B3GALT1: variants seen among roughly 807,000 people sequenced by gnomAD.
B3GALT1 encodes the protein beta-1,3-galactosyltransferase 1.
B3GALT1 carries 10 observed loss-of-function variants against 23.2 expected under a neutral mutation model. The ratio of observed to expected loss-of-function variants is 0.43; its 90% CI spans 0.27 to 0.73. B3GALT1 has a LOEUF of 0.73. Ranked by LOEUF, B3GALT1 falls within the 30% of genes least tolerant of loss-of-function variation. The pLI is 0.21. For missense variants in B3GALT1, 299 were observed against 405.4 expected, an observed-to-expected ratio of 0.74 and a Z score of 2.25; for synonymous variants, 156 against 141.5, an observed-to-expected ratio of 1.10 and a Z score of -0.73.
At chr2:167,836,504 C>T (rs1285194955) in intron 4 of B3GALT1, among the ~76,000 whole-genome samples, 3 of 152,126 alleles carry the variant, frequency 2.0e-5, no homozygotes, top group Non-Finnish European at 4.4e-5. Flanking sequence ...ACGAACAAAG[C>T]CTCTAAGAAA....
chr2:167,501,102 G>A (rs1221844179), intron 2 of B3GALT1, among the ~76,000 whole-genome samples: 1 of 151,984 alleles, frequency 6.6e-6, no homozygotes, highest in Non-Finnish European at 1.5e-5. Context: ...TTAAAATACA[G>A]CCATAATAAA....
At chr2:167,802,973 ATG>A (rs1209068387) in intron 3 of B3GALT1, among the ~76,000 whole-genome samples, 1 of 152,132 alleles carries the variant, frequency 6.6e-6, no homozygotes, top group East Asian at 1.9e-4. Context: ...GTACCTACAC[ATG>A]TGTTATTTAG....
chr2:167,351,278 A>AAC (rs1697304109), intron 1 of B3GALT1, among the ~76,000 whole-genome samples: 1 of 151,918 alleles, frequency 6.6e-6, no homozygotes, highest in African/African-American at 2.4e-5. Context: ...CAAAAAAAAA[A>AAC]AAAAACGAAA....
chr2:167,313,170 A>T (rs1290353880), intron 1 of B3GALT1, among the ~76,000 whole-genome samples: 3 of 152,124 alleles, frequency 2.0e-5, no homozygotes, highest in Non-Finnish European at 4.4e-5. Flanking sequence ...TTCATGGAAA[A>T]GCCAGAGTAC....
At chr2:167,678,770 A>C (rs1385314464) in intron 3 of B3GALT1, among the ~76,000 whole-genome samples, 1 of 152,246 alleles carries the variant, frequency 6.6e-6, no homozygotes, top group Non-Finnish European at 1.5e-5. Context: ...AAAATTTAAA[A>C]GATTTTAAAG....
chr2:167,491,941 G>A (rs1242703588), intron 2 of B3GALT1, among the ~76,000 whole-genome samples: 6 of 152,102 alleles, frequency 3.9e-5, no homozygotes, highest in African/African-American at 1.4e-4. Flanking sequence ...GTATTAACAT[G>A]GTACATTTGT....
At chr2:167,752,783 G>C (rs868256948) in intron 3 of B3GALT1, among the ~76,000 whole-genome samples, 13 of 152,290 alleles carry the variant, frequency 8.5e-5, no homozygotes, top group African/African-American at 3.1e-4. Flanking sequence ...GTCACCTTTA[G>C]TCACATCACT....
rs115971766 is a variant in B3GALT1 at position 167,540,757 on chromosome 2, C to T, written c.-410+50480C>T. On this transcript the variant is annotated intron_variant, in intron 2 of 4. Coordinates refer to ENST00000392690, the MANE Select transcript of B3GALT1 (RefSeq NM_020981.4). The stretch of plus-strand genomic sequence containing the variant: ...TCTACTTTTATATTTTATCTCACTC[C>T]CTATTAAGTCTAATTCTGGGGAATT... 3.6e-3 allele frequency among the ~76,000 whole-genome samples: 543 copies of T among 152,170 alleles called. 4 individuals are homozygous for T. Among genetic ancestry groups the T allele is most frequent in the African/African-American group, 0.012 (501 of 41,514 alleles).
chr2:167,543,672 G>C (rs956340201), intron 2 of B3GALT1, among the ~76,000 whole-genome samples: 1 of 152,080 alleles, frequency 6.6e-6, no homozygotes, highest in Non-Finnish European at 1.5e-5. Context: ...ATAAAATAAA[G>C]GATAAAATAG....
intron 1 of B3GALT1, among the ~76,000 whole-genome samples, chr2:167,365,068 T>C (rs1697566523): frequency 6.6e-6 from 1 of 152,182 alleles, no homozygotes; most frequent in Non-Finnish European, 1.5e-5. Flanking sequence ...CGATGGGTGT[T>C]GCGTTTTCTG....
chr2:167,353,825 C>A (rs1251512103), intron 1 of B3GALT1, among the ~76,000 whole-genome samples: 1 of 152,042 alleles, frequency 6.6e-6, no homozygotes, highest in African/African-American at 2.4e-5. Flanking sequence ...TTATCTGATA[C>A]CTCCTAGAGT....
chr2:167,475,648 A>G (rs916524813), intron 1 of B3GALT1, among the ~76,000 whole-genome samples: 2 of 152,160 alleles, frequency 1.3e-5, no homozygotes, highest in Non-Finnish European at 2.9e-5. Flanking sequence ...TGAGTGGAAG[A>G]CATGACCAGA....
chr2:167,597,337 G>A (rs977472388), intron 2 of B3GALT1, among the ~76,000 whole-genome samples: 12 of 151,890 alleles, frequency 7.9e-5, no homozygotes, highest in Admixed American at 5.2e-4. Context: ...AGATAGTCTC[G>A]ATCTCCTGAC....
At chr2:167,382,250 C>T (rs1190013601) in intron 1 of B3GALT1, among the ~76,000 whole-genome samples, 2 of 152,050 alleles carry the variant, frequency 1.3e-5, no homozygotes, top group Non-Finnish European at 2.9e-5. Flanking sequence ...ATAGTTTTGG[C>T]GTGAAAACTC....
chr2:167,856,114 A>G (rs994393188), intron 4 of B3GALT1, among the ~76,000 whole-genome samples: 7 of 152,196 alleles, frequency 4.6e-5, no homozygotes, highest in African/African-American at 1.4e-4. Flanking sequence ...TCGATGAACA[A>G]AAACTACAGA....
intron 1 of B3GALT1, among the ~76,000 whole-genome samples, chr2:167,486,536 G>A (rs1005932175): frequency 3.3e-5 from 5 of 151,128 alleles, no homozygotes; most frequent in Non-Finnish European, 7.4e-5. Context: ...TGGCCAACAT[G>A]GTGAAACCAC....
chr2:167,523,426 C>CCTT (rs1558892197), intron 2 of B3GALT1, among the ~76,000 whole-genome samples: 1 of 141,136 alleles, frequency 7.1e-6, no homozygotes, highest in Non-Finnish European at 1.5e-5. Flanking sequence ...TTGTGTATCC[C>CCTT]TTTTTTTTTT....
chr2:167,852,467 G>GGTGTGTGTGTGTGTGT (rs66820655), intron 4 of B3GALT1, among the ~76,000 whole-genome samples: 2 of 146,478 alleles, frequency 1.4e-5, no homozygotes, highest in Non-Finnish European at 3.0e-5. Context: ...TATTCGTGAT[G>GGTGTGTGTGTGTGTGT]GTGTGTGTGT....
intron 3 of B3GALT1, among the ~76,000 whole-genome samples, chr2:167,665,108 T>A (rs1395860547): frequency 2.6e-5 from 4 of 151,882 alleles, no homozygotes; most frequent in African/African-American, 4.9e-5. Context: ...TTTGTCATAG[T>A]TAGCTCTTAT....
Sources: gnomAD v4.1 joint callset for allele counts (sites outside exome capture counted in the v4.1 genomes callset) on GRCh38, gnomAD v4.1.1 for gene constraint, MANE v1.5 for transcripts, NCBI Gene and HGNC (gene_info 2026-07-23, HGNC 2026-07-21) for gene names.